BRIP1: variants seen among roughly 807,000 people sequenced by gnomAD.
BRIP1 encodes Fanconi anemia group J protein.
In BRIP1, 88 loss-of-function variants were observed where a neutral mutation model predicts 119.7. The ratio of observed to expected loss-of-function variants is 0.74; its 90% CI spans 0.62 to 0.88. The LOEUF (loss-of-function observed/expected upper bound fraction) is 0.88. Among genes scored for constraint, BRIP1 ranks in the 40% least tolerant of loss-of-function variants. The pLI is 0.00. For missense variants in BRIP1, 1,259 were observed against 1,455.4 expected, an observed-to-expected ratio of 0.87 and a Z score of 2.20; for synonymous variants, 443 against 496.5, an observed-to-expected ratio of 0.89 and a Z score of 1.43.
intron 4 of BRIP1, among the ~76,000 whole-genome samples, chr17:61,855,906 G>T (rs1209001935): frequency 6.6e-6 from 1 of 152,070 alleles, no homozygotes; most frequent in East Asian, 1.9e-4. Context: ...TGCTATAAAG[G>T]AAAGGTACAC....
At position 61,683,015 on chromosome 17, in the gene BRIP1, C is replaced by T. The variant is rs2061290397; in HGVS notation, c.*281G>A. The T allele has an allele frequency of 1.0e-5, 4 of 387,476 alleles. No individual in the cohort carries two copies. In the South Asian group the frequency reaches 1.2e-4, roughly 12 times the overall value. 24.0% of individuals were successfully genotyped at this position (387,476 alleles called of 1,614,324 possible). A position where few individuals can be genotyped will look rare whatever the true frequency, so the allele number is the denominator to read the frequency against. On this transcript the variant is annotated 3_prime_UTR_variant, in exon 20 of 20. Transcript: ENST00000259008. The surrounding 1 kb of genome is among the most constrained non-coding windows in gnomAD (Gnocchi z 4.7). The stretch of plus-strand genomic sequence containing the variant: ...GGCATGGTGGTGCACACCTGTAGTC[C>T]CAGCTACTCAGAAGGCTGAGGCAGG...
At chr17:61,830,903 T>C (rs1007972678) in intron 6 of BRIP1, among the ~76,000 whole-genome samples, 1 of 152,186 alleles carries the variant, frequency 6.6e-6, no homozygotes, top group East Asian at 1.9e-4. Flanking sequence ...CTAACAATTA[T>C]ATAAAATGGG....
rs528500210 is a variant in BRIP1 at position 61,815,049 on chromosome 17, G to T, written c.628-6292C>A. On this transcript the variant is annotated intron_variant, in intron 6 of 19. Coordinates refer to ENST00000259008, the MANE Select transcript of BRIP1 (RefSeq NM_032043.3). The surrounding 1 kb of genome is among the most constrained non-coding windows in gnomAD (Gnocchi z 4.1). ...GTAGAGAGTGAGGAATCAAGACTAT[G>T]GAAGATAATCTTAAAAGCTAACAAT... Among the ~76,000 whole-genome samples the T allele has an allele frequency of 4.6e-5, 7 of 151,014 alleles. No homozygotes were observed. Among genetic ancestry groups the T allele is most frequent in the African/African-American group, 1.7e-4 (7 of 41,162 alleles).
chr17:61,820,867 T>C (rs2078310183), intron 6 of BRIP1, among the ~76,000 whole-genome samples: 1 of 151,678 alleles, frequency 6.6e-6, no homozygotes, highest in South Asian at 2.1e-4. Flanking sequence ...GGAGAATCAC[T>C]TGAGCCAGGG....
In BRIP1 at chr17:61,744,670, A is replaced by C; in HGVS notation, c.2098-79T>G. 1 of 1,242,294 alleles carries C rather than the reference A, an allele frequency of 8.0e-7. No homozygotes were observed. The highest frequency in any genetic ancestry group is 1.2e-5 in the South Asian group (1 of 82,790). 77.0% of individuals were successfully genotyped at this position (1,242,294 alleles called of 1,614,324 possible). ...AACTTCATTTGTTTAAGCCAATGTG[A>C]CTACGGCAAGTATATTAATCTCTCT... On this transcript the variant is annotated intron_variant, in intron 14 of 19. Transcript: ENST00000259008. The surrounding 1 kb of genome is among the most constrained non-coding windows in gnomAD (Gnocchi z 5.0).
In BRIP1 at chr17:61,828,282, CT is replaced by C. The variant is rs1184953178; in HGVS notation, c.627+18818del. Among the ~76,000 whole-genome samples, 1 of 152,068 alleles carries C rather than the reference CT, an allele frequency of 6.6e-6. No homozygotes were observed. The highest frequency in any genetic ancestry group is 2.4e-5 in the African/African-American group (1 of 41,408). ...GGTGGATGACCTTGAAAACATTATG[CT>C]GAGTAAAATAAGCCAGACACAAAAG... On this transcript the variant is annotated intron_variant, in intron 6 of 19. Transcript: ENST00000259008. This position sits in a 1 kb window ranked among gnomAD's most constrained non-coding sequence, Gnocchi z 4.1.
In BRIP1 at chr17:61,815,230, A is replaced by G. The variant is rs544211634; in HGVS notation, c.628-6473T>C. 7.9e-5 allele frequency among the ~76,000 whole-genome samples: 12 copies of G among 152,042 alleles called. No homozygotes were observed. The highest frequency in any genetic ancestry group is 2.9e-4 in the African/African-American group (12 of 41,486). On this transcript the variant is annotated intron_variant, in intron 6 of 19. Coordinates refer to ENST00000259008, the MANE Select transcript of BRIP1 (RefSeq NM_032043.3). The surrounding 1 kb of genome is among the most constrained non-coding windows in gnomAD (Gnocchi z 4.1). ...CTCCTCCTCAAAAGTTTTCAACCTA[A>G]TTTATTAGGAAATGGGTTCTCAAAT...
intron 6 of BRIP1, among the ~76,000 whole-genome samples, chr17:61,817,397 C>T (rs923142018): frequency 6.6e-6 from 1 of 152,122 alleles, no homozygotes; most frequent in African/African-American, 2.4e-5. Flanking sequence ...ATTTTTCAAA[C>T]TTTCTTCAAT....
intron 16 of BRIP1, among the ~76,000 whole-genome samples, chr17:61,728,973 G>A (rs940790086): frequency 2.6e-5 from 4 of 152,034 alleles, no homozygotes; most frequent in African/African-American, 9.7e-5. Flanking sequence ...TGGAAGAGAG[G>A]AGGGTTCTAT....
chr17:61,793,528 T>C lies in BRIP1; in HGVS notation c.1473+69A>G, dbSNP rs536896195. ...TCTGGGTTACTCACTAGATTTAATC[T>C]GGATTTAGTCACGACTAAATCACTT... On this transcript the variant is annotated intron_variant, in intron 10 of 19. Transcript: ENST00000259008. This position sits in a 1 kb window ranked among gnomAD's most constrained non-coding sequence, Gnocchi z 5.2. 1 of 1,450,750 alleles carries C rather than the reference T, an allele frequency of 6.9e-7. No homozygotes were observed. The highest frequency in any genetic ancestry group is 1.4e-5 in the African/African-American group (1 of 71,330). 89.9% of individuals were successfully genotyped at this position (1,450,750 alleles called of 1,614,324 possible).
Position 61,841,009 on chromosome 17 carries a change from G to A in BRIP1, c.627+6092C>T, listed in dbSNP as rs1336974645. Among the ~76,000 whole-genome samples, 1 of 152,086 alleles carries A rather than the reference G, an allele frequency of 6.6e-6. No individual in the cohort carries two copies. Among genetic ancestry groups the A allele is most frequent in the Admixed American group, 6.6e-5 (1 of 15,256 alleles). ...TCAATAAATGGTGCTGAGAACACTG[G>A]ATGTCCATATGCAAAAGGAAAAAAC... is the stretch of plus-strand genomic sequence containing the variant. On this transcript the variant is annotated intron_variant, in intron 6 of 19. Coordinates refer to ENST00000259008, the MANE Select transcript of BRIP1 (RefSeq NM_032043.3). The surrounding 1 kb of genome is among the most constrained non-coding windows in gnomAD (Gnocchi z 4.1).
At position 61,695,321 on chromosome 17, in the gene BRIP1, C is replaced by A. The variant is rs2061504465; in HGVS notation, c.2493-1809G>T. On this transcript the variant is annotated intron_variant, in intron 17 of 19. Transcript: ENST00000259008. The surrounding 1 kb of genome is among the most constrained non-coding windows in gnomAD (Gnocchi z 4.3). ...GTAGATGTATGAATTTGTTTATGGA[C>A]CCTCAATTCTACCCATTGATCTATA... Among the ~76,000 whole-genome samples, 1 of 152,094 alleles carries A rather than the reference C, an allele frequency of 6.6e-6. No individual in the cohort carries two copies. The highest frequency in any genetic ancestry group is 1.5e-5 in the Non-Finnish European group (1 of 67,970).
At chr17:61,801,145 T>A in intron 8 of BRIP1, 108 bp downstream of exon 8, 1 of 955,230 alleles carries the variant, frequency 1.0e-6, no homozygotes, top group Non-Finnish European at 1.6e-6. Flanking sequence ...CACAAATTTA[T>A]TTACATAAAT....
intron 6 of BRIP1, among the ~76,000 whole-genome samples, chr17:61,837,628 A>G (rs1326240215): frequency 6.6e-6 from 1 of 152,186 alleles, no homozygotes; most frequent in Non-Finnish European, 1.5e-5. Flanking sequence ...AAAAGAACAG[A>G]ATATAAATAA....
At position 61,758,724 on chromosome 17, in the gene BRIP1, C is replaced by T. The variant is rs1480390154; in HGVS notation, c.2098-14133G>A. Among the ~76,000 whole-genome samples, 1 of 151,994 alleles carries T rather than the reference C, an allele frequency of 6.6e-6. No individual in the cohort carries two copies. Among genetic ancestry groups the T allele is most frequent in the Non-Finnish European group, 1.5e-5 (1 of 68,008 alleles). On this transcript the variant is annotated intron_variant, in intron 14 of 19. Coordinates refer to ENST00000259008, the MANE Select transcript of BRIP1 (RefSeq NM_032043.3). This position sits in a 1 kb window ranked among gnomAD's most constrained non-coding sequence, Gnocchi z 5.3. ...TGCTGGGTGGGCGTGGTCACTCATG[C>T]CTGTAATTCCAGCACTTTAGGAGGC...
At position 61,802,110 on chromosome 17, in the gene BRIP1, T is replaced by C. The variant is rs1375329250; in HGVS notation, c.919-636A>G. On this transcript the variant is annotated intron_variant, in intron 7 of 19. Transcript: ENST00000259008. This position sits in a 1 kb window ranked among gnomAD's most constrained non-coding sequence, Gnocchi z 6.0. ...ATGCACTAGAAACATTTTGGTGTAT[T>C]TCATTTCATATTTCTTCTATACATG... 6.6e-6 allele frequency among the ~76,000 whole-genome samples: 1 copy of C among 152,182 alleles called. No homozygotes were observed. The highest frequency in any genetic ancestry group is 6.5e-5 in the Admixed American group (1 of 15,270).
chr17:61,777,218 A>G (rs1466259547), intron 13 of BRIP1, among the ~76,000 whole-genome samples: 1 of 152,230 alleles, frequency 6.6e-6, no homozygotes, highest in Non-Finnish European at 1.5e-5. Flanking sequence ...TTTGAAATAC[A>G]GTTGAAAGAA....
Position 61,683,164 on chromosome 17 carries a change from C to A in BRIP1, c.*132G>T. The stretch of plus-strand genomic sequence containing the variant: ...AAACCCAAAAACTCAAGAATAATAA[C>A]ATTTACATTTCTGAACATAAAATAG... On this transcript the variant is annotated 3_prime_UTR_variant, in exon 20 of 20. Transcript: ENST00000259008. The surrounding 1 kb of genome is among the most constrained non-coding windows in gnomAD (Gnocchi z 4.7). The A allele has an allele frequency of 8.9e-7, 1 of 1,126,220 alleles. No individual in the cohort carries two copies. Among genetic ancestry groups the A allele is most frequent in the Non-Finnish European group, 1.3e-6 (1 of 795,060 alleles). 69.8% of individuals were successfully genotyped at this position (1,126,220 alleles called of 1,614,324 possible). A position where few individuals can be genotyped will look rare whatever the true frequency, so the allele number is the denominator to read the frequency against.
intron 16 of BRIP1, among the ~76,000 whole-genome samples, chr17:61,728,719 AGGATGATAGCAGTTATT>A (rs367993306): frequency 6.6e-5 from 10 of 152,306 alleles, no homozygotes; most frequent in African/African-American, 2.4e-4. Flanking sequence ...TCAAATTCCT[AGGATGATAGCAGTTATT>A]GGATGATAGC....
Sources: allele counts gnomAD v4.1 joint callset (sites outside exome capture counted in the v4.1 genomes callset), GRCh38; gene constraint gnomAD v4.1.1; non-coding constraint Gnocchi (gnomAD v3.1); transcripts MANE v1.5; gene names NCBI Gene and HGNC (gene_info 2026-07-23, HGNC 2026-07-21).